The following GALNT17 variants were observed in gnomAD, a reference collection of about 807,000 sequenced individuals.
GALNT17 encodes the protein polypeptide N-acetylgalactosaminyltransferase 17, also known as UDP-GalNAc:polypeptide N-acetylgalactosaminyltransferase-like 3.
Under a neutral mutation model 63.7 loss-of-function variants are expected in GALNT17, and 29 were observed. The ratio of observed to expected loss-of-function variants is 0.46; its 90% confidence interval spans 0.34 to 0.62. The LOEUF (loss-of-function observed/expected upper bound fraction) is 0.62, where lower values mean the gene tolerates loss of function less well. Ranked by LOEUF, GALNT17 falls within the 20% of genes least tolerant of loss-of-function variation. GALNT17 has a pLI of 0.01. For missense variants in GALNT17, 603 were observed against 799.6 expected, an observed-to-expected ratio of 0.75 and a Z score of 2.97; for synonymous variants, 305 against 318.3, an observed-to-expected ratio of 0.96 and a Z score of 0.45.
chr7:71,369,304 T>C (rs1451106082), intron 2 of GALNT17, among the ~76,000 whole-genome samples: 2 of 152,138 alleles, frequency 1.3e-5, no homozygotes, highest in African/African-American at 2.4e-5. Context: ...AGGCTAGGGA[T>C]GCAAAGGGTA....
chr7:71,693,027 T>C (rs1233891757), intron 9 of GALNT17, among the ~76,000 whole-genome samples: 1 of 151,718 alleles, frequency 6.6e-6, no homozygotes, highest in Non-Finnish European at 1.5e-5. Flanking sequence ...CACCCAGCCA[T>C]AAGTACATAT....
chr7:71,290,806 C>T (rs1445184366), intron 1 of GALNT17, among the ~76,000 whole-genome samples: 1 of 152,146 alleles, frequency 6.6e-6, no homozygotes, highest in Non-Finnish European at 1.5e-5. Context: ...TGCTCAGACT[C>T]CAGAGAGCCG....
chr7:71,468,687 G>T (rs950532429), intron 5 of GALNT17, among the ~76,000 whole-genome samples: 2 of 152,026 alleles, frequency 1.3e-5, no homozygotes, highest in African/African-American at 4.8e-5. Flanking sequence ...AAAGTGCTGG[G>T]ATTACAGGTG....
At chr7:71,415,708 A>G (rs1793511158) in intron 3 of GALNT17, among the ~76,000 whole-genome samples, 181 bp from the exon 4 acceptor site, 1 of 152,190 alleles carries the variant, frequency 6.6e-6, no homozygotes, top group African/African-American at 2.4e-5. Context: ...TCCTGGGTGA[A>G]TGCATCAGAG....
chr7:71,211,656 T>C (rs934226578), intron 1 of GALNT17, among the ~76,000 whole-genome samples: 2 of 152,192 alleles, frequency 1.3e-5, no homozygotes, highest in Non-Finnish European at 2.9e-5. Context: ...TTGAATGGCC[T>C]TGCCCAAAAT....
intron 5 of GALNT17, among the ~76,000 whole-genome samples, chr7:71,569,249 C>T (rs1373375028): frequency 3.3e-5 from 5 of 152,082 alleles, no homozygotes; most frequent in East Asian, 3.9e-4. Context: ...GGATTACAGG[C>T]GTGAGTCATC....
intron 5 of GALNT17, among the ~76,000 whole-genome samples, chr7:71,434,138 C>T (rs1455454696): frequency 6.6e-6 from 1 of 152,180 alleles, no homozygotes; most frequent in Non-Finnish European, 1.5e-5. Context: ...CTGTCAACTT[C>T]CCTACTTTAG....
intron 1 of GALNT17, among the ~76,000 whole-genome samples, chr7:71,243,278 G>A (rs1790032607): frequency 6.6e-6 from 1 of 152,186 alleles, no homozygotes; most frequent in African/African-American, 2.4e-5. Context: ...GGAGCTGTGA[G>A]TCAATTAAAT....
At chr7:71,573,721 A>C (rs1164210404) in intron 6 of GALNT17, among the ~76,000 whole-genome samples, 1 of 152,080 alleles carries the variant, frequency 6.6e-6, no homozygotes, top group Non-Finnish European at 1.5e-5. Flanking sequence ...ATTGTGTATT[A>C]CCTGTATTGA....
At chr7:71,427,302 T>C (rs932168463) in intron 5 of GALNT17, among the ~76,000 whole-genome samples, 1 of 151,860 alleles carries the variant, frequency 6.6e-6, no homozygotes, top group Non-Finnish European at 1.5e-5. Context: ...TTTACCGTGT[T>C]AACCAGGTTG....
At chr7:71,140,838 A>G (rs1283547168) in intron 1 of GALNT17, among the ~76,000 whole-genome samples, 2 of 150,764 alleles carry the variant, frequency 1.3e-5, no homozygotes, top group Non-Finnish European at 3.0e-5. Context: ...CTTGGGCAAC[A>G]TAGCAAGACC....
intron 1 of GALNT17, among the ~76,000 whole-genome samples, chr7:71,264,747 G>A (rs900381216): frequency 1.3e-5 from 2 of 152,036 alleles, no homozygotes; most frequent in Admixed American, 1.3e-4. Flanking sequence ...CATATTGAAT[G>A]TTCTCACTCA....
intron 1 of GALNT17, among the ~76,000 whole-genome samples, chr7:71,184,798 T>C (rs1441050895): frequency 2.6e-5 from 4 of 152,200 alleles, no homozygotes; most frequent in Non-Finnish European, 4.4e-5. Flanking sequence ...AAATTGACTG[T>C]TAGAACAGCA....
At chr7:71,201,126 C>T (rs1276287152) in intron 1 of GALNT17, among the ~76,000 whole-genome samples, 1 of 151,372 alleles carries the variant, frequency 6.6e-6, no homozygotes, top group Non-Finnish European at 1.5e-5. Flanking sequence ...TTACTGACAT[C>T]ATTAAATCCA....
At chr7:71,441,947 G>A (rs1223579297) in intron 5 of GALNT17, among the ~76,000 whole-genome samples, 1 of 152,160 alleles carries the variant, frequency 6.6e-6, no homozygotes, top group Non-Finnish European at 1.5e-5. Context: ...AAACGTATGT[G>A]TGTGTGTGTG....
chr7:71,240,267 G>A (rs529018121), intron 1 of GALNT17, among the ~76,000 whole-genome samples: 10 of 152,190 alleles, frequency 6.6e-5, no homozygotes, highest in South Asian at 4.1e-4. Context: ...GTATTTTTTC[G>A]TTGTTTTTAA....
rs551836415 is a variant in GALNT17 at position 71,665,338 on chromosome 7, C to G, written c.1081-73C>G. 58 of 1,474,568 alleles carry G rather than the reference C, an allele frequency of 3.9e-5. No homozygotes were observed. The East Asian group carries it at 1.3e-3, about 33-fold the overall frequency. 91.3% of individuals were successfully genotyped at this position (1,474,568 alleles called of 1,614,324 possible). On this transcript the variant is annotated intron_variant, in intron 6 of 10. Transcript: ENST00000333538. ...TTATGCAAAGTCAGCTGAACCATTG[C>G]TTTTGGGCTTGGGGAGGGGGCATAG... is the stretch of plus-strand genomic sequence containing the variant.
chr7:71,458,191 G>A (rs1165977513), intron 5 of GALNT17, among the ~76,000 whole-genome samples: 2 of 152,192 alleles, frequency 1.3e-5, no homozygotes, highest in East Asian at 3.9e-4. Context: ...CTGTGCATTA[G>A]CAGAATAACA....
chr7:71,140,220 C>T (rs569849234), intron 1 of GALNT17, among the ~76,000 whole-genome samples: 1 of 152,236 alleles, frequency 6.6e-6, no homozygotes, highest in East Asian at 1.9e-4. Flanking sequence ...AGAAGGAAAC[C>T]AGGGCAGTTC....
Sources: allele counts gnomAD v4.1 joint callset (sites outside exome capture counted in the v4.1 genomes callset), GRCh38; gene constraint gnomAD v4.1.1; transcripts MANE v1.5; gene names NCBI Gene and HGNC (gene_info 2026-07-23, HGNC 2026-07-21).